INPP5D: variants seen among roughly 807,000 people sequenced by gnomAD.
INPP5D encodes phosphatidylinositol 3,4,5-trisphosphate 5-phosphatase 1.
Under a neutral mutation model 122.9 loss-of-function variants are expected in INPP5D, and 33 were observed. The ratio of observed to expected loss-of-function variants is 0.27; its 90% CI spans 0.20 to 0.36. INPP5D has a LOEUF of 0.36. Among genes scored for constraint, INPP5D ranks in the 10% least tolerant of loss-of-function variants. The pLI, the probability that INPP5D is intolerant of heterozygous loss-of-function variation, is 1.00. For synonymous variants in INPP5D, 584 were observed against 576.2 expected, an observed-to-expected ratio of 1.01 and a Z score of -0.19; for missense variants, 1,053 against 1,412.7, an observed-to-expected ratio of 0.75 and a Z score of 4.08.
chr2:233,161,503 A>G (rs966869738), intron 10 of INPP5D, among the ~76,000 whole-genome samples: 10 of 152,256 alleles, frequency 6.6e-5, no homozygotes, highest in South Asian at 4.1e-4. Flanking sequence ...ACTTCTGCGC[A>G]GCTCCTGATC....
intron 25 of INPP5D, among the ~76,000 whole-genome samples, chr2:233,200,657 T>C (rs1031288009): frequency 1.3e-5 from 2 of 152,148 alleles, no homozygotes; most frequent in East Asian, 3.9e-4. Context: ...ATATGCGAGA[T>C]ATGCTCTAAG....
intron 1 of INPP5D, among the ~76,000 whole-genome samples, chr2:233,076,011 G>C (rs1362954760): frequency 6.6e-6 from 1 of 152,136 alleles, no homozygotes; most frequent in Non-Finnish European, 1.5e-5. Flanking sequence ...AAGCCATAAA[G>C]GTTTGTCTGC....
intron 2 of INPP5D, among the ~76,000 whole-genome samples, chr2:233,091,029 C>T (rs1481059605): frequency 1.3e-5 from 2 of 151,942 alleles, no homozygotes; most frequent in Non-Finnish European, 2.9e-5. Context: ...CTTGGGAAAC[C>T]AGACAATAGA....
In INPP5D at chr2:233,100,485, A is replaced by G. The variant is rs961495913; in HGVS notation, c.198+21087A>G. Among the ~76,000 whole-genome samples the G allele has an allele frequency of 8.6e-5, 13 of 152,028 alleles. No homozygotes were observed. The highest frequency in any genetic ancestry group is 3.1e-4 in the African/African-American group (13 of 41,382). On this transcript the variant is annotated intron_variant, in intron 2 of 26. Transcript: ENST00000445964. The surrounding 1 kb of genome is among the most constrained non-coding windows in gnomAD (Gnocchi z 5.3). ...CAAGCTCACTACACTGTAAACTCCA[A>G]AACAGCCCACGTTACTCCCGGTGAC...
chr2:233,060,949 G>C (rs1343384679), intron 1 of INPP5D, among the ~76,000 whole-genome samples: 1 of 152,180 alleles, frequency 6.6e-6, no homozygotes, highest in African/African-American at 2.4e-5. Flanking sequence ...CTGTGGAGGT[G>C]GGTGTGTTAG....
At chr2:233,145,973 T>C (rs1239426750) in intron 6 of INPP5D, 189 bp from the exon 7 acceptor site, 2 of 699,618 alleles carry the variant, frequency 2.9e-6, no homozygotes, top group Admixed American at 2.0e-5. Flanking sequence ...ATCTATTTTT[T>C]GGCCATGTGA....
intron 2 of INPP5D, among the ~76,000 whole-genome samples, chr2:233,086,184 T>TCTTTCTTTCTTTCTTTCTTTCTTC: frequency 6.8e-6 from 1 of 146,186 alleles, no homozygotes; most frequent in East Asian, 2.1e-4. Flanking sequence ...TTTCTTTCTT[T>TCTTTCTTTCTTTCTTTCTTTCTTC]CTTTCCTTTT....
In INPP5D at chr2:233,114,733, G is replaced by A. The variant is rs935964808; in HGVS notation, c.199-7374G>A. Among the ~76,000 whole-genome samples, 10 of 152,256 alleles carry A rather than the reference G, an allele frequency of 6.6e-5. No individual in the cohort carries two copies. In the East Asian group the frequency reaches 1.4e-3, roughly 21 times the overall value. On this transcript the variant is annotated intron_variant, in intron 2 of 26. Coordinates refer to ENST00000445964, the MANE Select transcript of INPP5D (RefSeq NM_001017915.3). ...AAGTAATAAAAACAGCAGCCACCCC[G>A]CAAACCCACACCATTCTCTCCACCA... is the stretch of plus-strand genomic sequence containing the variant.
intron 5 of INPP5D, among the ~76,000 whole-genome samples, chr2:233,133,208 C>G (rs528759068): frequency 5.3e-5 from 8 of 152,310 alleles, no homozygotes; most frequent in Non-Finnish European, 8.8e-5. Flanking sequence ...GCTGCAATTA[C>G]AGCATGAGCC....
chr2:233,165,289 G>A (rs890627471), intron 13 of INPP5D, among the ~76,000 whole-genome samples: 1 of 152,174 alleles, frequency 6.6e-6, no homozygotes, highest in African/African-American at 2.4e-5. Flanking sequence ...GTGTTTGAGT[G>A]TGTCTATGTG....
At chr2:233,093,146 C>G (rs1287826997) in intron 2 of INPP5D, among the ~76,000 whole-genome samples, 1 of 152,130 alleles carries the variant, frequency 6.6e-6, no homozygotes, top group Non-Finnish European at 1.5e-5. Context: ...CTTGTCTAAT[C>G]TTTCTTTTCT....
At chr2:233,191,018 C>G (rs1000049097) in intron 22 of INPP5D, among the ~76,000 whole-genome samples, 4 of 152,132 alleles carry the variant, frequency 2.6e-5, no homozygotes, top group African/African-American at 4.8e-5. Flanking sequence ...GAGTAGAAAA[C>G]TGTCTGGGCC....
chr2:233,069,981 C>G (rs1691332692), intron 1 of INPP5D, among the ~76,000 whole-genome samples: 1 of 152,174 alleles, frequency 6.6e-6, no homozygotes. Flanking sequence ...TCATTCTAAC[C>G]TTCCTATTCT....
chr2:233,114,043 TG>T (rs1455673217), intron 2 of INPP5D, among the ~76,000 whole-genome samples: 1 of 152,020 alleles, frequency 6.6e-6, no homozygotes, highest in Non-Finnish European at 1.5e-5. Context: ...CCCAAGTAGC[TG>T]GGACTACAGG....
intron 1 of INPP5D, among the ~76,000 whole-genome samples, chr2:233,067,218 C>CCA (rs1463931230): frequency 1.3e-5 from 2 of 152,258 alleles, no homozygotes; most frequent in African/African-American, 4.8e-5. Context: ...TATTCCCTCT[C>CCA]CACCCAAACC....
intron 1 of INPP5D, among the ~76,000 whole-genome samples, chr2:233,075,387 G>A (rs1373263967): frequency 2.0e-5 from 3 of 152,186 alleles, no homozygotes; most frequent in Non-Finnish European, 4.4e-5. Flanking sequence ...AGGGCTGGGC[G>A]GGACCCACTG....
chr2:233,090,065 G>C (rs577801358), intron 2 of INPP5D, among the ~76,000 whole-genome samples: 99 of 152,344 alleles, frequency 6.5e-4, no homozygotes, highest in African/African-American at 2.2e-3. Flanking sequence ...GAGCTGTGGA[G>C]GCCTTGAGAA....
chr2:233,189,976 C>A lies in INPP5D; in HGVS notation c.2446+39C>A, dbSNP rs746816370. The A allele has an allele frequency of 6.2e-7, 1 of 1,605,468 alleles. No individual in the cohort carries two copies. Among genetic ancestry groups the A allele is most frequent in the Non-Finnish European group, 8.5e-7 (1 of 1,176,212 alleles). ...GGCAGGTGCCACACCTGCCTGTGAA[C>A]TGGCGGCCTCTGACGTAGCATTGCC... is the stretch of plus-strand genomic sequence containing the variant. On this transcript the variant is annotated intron_variant, in intron 22 of 26. Transcript: ENST00000445964. The surrounding 1 kb of genome is among the most constrained non-coding windows in gnomAD (Gnocchi z 5.6).
chr2:233,099,287 C>T (rs1243708732), intron 2 of INPP5D, among the ~76,000 whole-genome samples: 1 of 152,168 alleles, frequency 6.6e-6, no homozygotes, highest in East Asian at 1.9e-4. Flanking sequence ...TCCTAAACTT[C>T]CCATGGCTAC....
Sources: allele counts gnomAD v4.1 joint callset (sites outside exome capture counted in the v4.1 genomes callset), GRCh38; gene constraint gnomAD v4.1.1; non-coding constraint Gnocchi (gnomAD v3.1); transcripts MANE v1.5; gene names NCBI Gene and HGNC (gene_info 2026-07-23, HGNC 2026-07-21).